The following ANGPT1 variants were observed in gnomAD, a reference collection of about 807,000 sequenced individuals.
The protein encoded by ANGPT1 is angiopoietin-1.
ANGPT1 carries 17 observed loss-of-function variants against 62.2 expected under a neutral mutation model. That is an observed-to-expected ratio of 0.27 (90% CI 0.19 to 0.41). The LOEUF is 0.41. Among genes scored for constraint, ANGPT1 ranks in the 10% least tolerant of loss-of-function variants. The pLI is 1.00. For synonymous variants in ANGPT1, 199 were observed against 198.9 expected, an observed-to-expected ratio of 1.00 and a Z score of 0.00; for missense variants, 478 against 594.9, an observed-to-expected ratio of 0.80 and a Z score of 2.04.
chr8:107,334,044 T>C (rs995140823), intron 3 of ANGPT1, among the ~76,000 whole-genome samples: 1 of 69,410 alleles, frequency 1.4e-5, no homozygotes, highest in Non-Finnish European at 3.1e-5. Flanking sequence ...GAAGGATGGA[T>C]AAATATGAGA....
chr8:107,495,050 A>T (rs1488813272), intron 1 of ANGPT1: 1 of 152,220 alleles, frequency 6.6e-6, no homozygotes, highest in Non-Finnish European at 1.5e-5. Flanking sequence ...TTCCATTTCA[A>T]TTATCAGAAT....
chr8:107,473,189 C>A (rs1812408462), intron 1 of ANGPT1, among the ~76,000 whole-genome samples: 1 of 152,018 alleles, frequency 6.6e-6, no homozygotes, highest in South Asian at 2.1e-4. Context: ...AACCATTATT[C>A]TTTCTCAGCA....
intron 1 of ANGPT1, among the ~76,000 whole-genome samples, chr8:107,449,400 G>GCACA (rs10537811): frequency 0.44 from 65,532 of 147,970 alleles, 14,842 homozygotes; most frequent in Non-Finnish European, 0.51. Flanking sequence ...ACACACACAT[G>GCACA]CACACACACA....
intron 1 of ANGPT1, among the ~76,000 whole-genome samples, chr8:107,349,040 C>A (rs962212013): frequency 1.3e-5 from 2 of 152,042 alleles, no homozygotes; most frequent in East Asian, 1.9e-4. Flanking sequence ...ATGCCCAATA[C>A]AGTTGATGCC....
chr8:107,303,156 A>T, intron 5 of ANGPT1, 84 bp downstream of exon 5: 1 of 1,493,030 alleles, frequency 6.7e-7, no homozygotes, highest in Non-Finnish European at 9.2e-7. Context: ...TTTCCAGTTT[A>T]ACAAGCTCAC....
chr8:107,423,921 A>C (rs570097775), intron 1 of ANGPT1, among the ~76,000 whole-genome samples: 2 of 128,972 alleles, frequency 1.6e-5, no homozygotes, highest in Non-Finnish European at 1.5e-5. Flanking sequence ...GCTCACTGAA[A>C]TCTTTGCCTC....
intron 1 of ANGPT1, among the ~76,000 whole-genome samples, chr8:107,468,381 T>C (rs1036223603): frequency 2.0e-5 from 3 of 152,096 alleles, no homozygotes; most frequent in African/African-American, 7.2e-5. Context: ...AATTAAAAAG[T>C]CAGATCAAAC....
At chr8:107,356,055 T>G (rs1167951068) in intron 1 of ANGPT1, among the ~76,000 whole-genome samples, 1 of 152,240 alleles carries the variant, frequency 6.6e-6, no homozygotes, top group African/African-American at 2.4e-5. Flanking sequence ...CTTAGCTTAG[T>G]TCCATTTGTT....
At chr8:107,489,396 A>T (rs1211604711) in intron 1 of ANGPT1, among the ~76,000 whole-genome samples, 1 of 152,228 alleles carries the variant, frequency 6.6e-6, no homozygotes, top group Non-Finnish European at 1.5e-5. Context: ...GTCATGTAGT[A>T]TAGTATAAAC....
intron 7 of ANGPT1, among the ~76,000 whole-genome samples, chr8:107,275,008 A>T (rs1462304985): frequency 6.6e-6 from 1 of 152,114 alleles, no homozygotes; most frequent in Non-Finnish European, 1.5e-5. Flanking sequence ...ATCAAGGACG[A>T]AGAGCTCTAT....
intron 1 of ANGPT1, among the ~76,000 whole-genome samples, chr8:107,403,017 T>G (rs1050731652): frequency 2.0e-5 from 3 of 152,172 alleles, no homozygotes; most frequent in Admixed American, 2.0e-4. Flanking sequence ...TGAGAATAAC[T>G]TGATTAAAGT....
At position 107,482,407 on chromosome 8, in the gene ANGPT1, G is replaced by C. The variant is rs548544290; in HGVS notation, c.297+14855C>G. Among the ~76,000 whole-genome samples, 9 of 152,298 alleles carry C rather than the reference G, an allele frequency of 5.9e-5. No individual in the cohort carries two copies. The South Asian group carries it at 1.5e-3, about 25-fold the overall frequency. On this transcript the variant is annotated intron_variant, in intron 1 of 8. Transcript: ENST00000517746. Reference sequence around the variant, plus strand: ...TCCCATGTCTAGAGCCTGAGTTGAGGTGACTCAAATATGGAGACTCACTAA... The same window carrying C: ...TCCCATGTCTAGAGCCTGAGTTGAGCTGACTCAAATATGGAGACTCACTAA...
intron 1 of ANGPT1, among the ~76,000 whole-genome samples, chr8:107,493,501 C>G (rs1020607982): frequency 2.7e-5 from 4 of 150,438 alleles, no homozygotes; most frequent in Admixed American, 1.3e-4. Context: ...ACCACCTACT[C>G]TGGACCCAAT....
At chr8:107,448,355 A>T (rs1811672587) in intron 1 of ANGPT1, among the ~76,000 whole-genome samples, 1 of 152,182 alleles carries the variant, frequency 6.6e-6, no homozygotes, top group African/African-American at 2.4e-5. Flanking sequence ...GGCTATATTG[A>T]CAGAACAAAT....
chr8:107,428,314 G>C (rs1811089016), intron 1 of ANGPT1, among the ~76,000 whole-genome samples: 1 of 152,076 alleles, frequency 6.6e-6, no homozygotes, highest in Non-Finnish European at 1.5e-5. Context: ...GCTCATGCTG[G>C]GCAACTTGAG....
intron 1 of ANGPT1, among the ~76,000 whole-genome samples, chr8:107,430,550 A>T (rs1811157742): frequency 1.3e-5 from 2 of 152,192 alleles, no homozygotes; most frequent in African/African-American, 4.8e-5. Flanking sequence ...GGAACTTGTG[A>T]CTATGTTACC....
chr8:107,475,916 A>G (rs551214111), intron 1 of ANGPT1, among the ~76,000 whole-genome samples: 1 of 152,262 alleles, frequency 6.6e-6, no homozygotes, highest in South Asian at 2.1e-4. Flanking sequence ...GAATTCGATC[A>G]TTAAAAAGTC....
intron 1 of ANGPT1, among the ~76,000 whole-genome samples, chr8:107,347,944 G>A (rs764777160): frequency 1.3e-5 from 2 of 152,094 alleles, no homozygotes; most frequent in Non-Finnish European, 2.9e-5. Context: ...GTCCTATTAG[G>A]TACCTGGGAA....
chr8:107,462,321 G>T (rs953218901), intron 1 of ANGPT1, among the ~76,000 whole-genome samples: 1 of 151,666 alleles, frequency 6.6e-6, no homozygotes, highest in African/African-American at 2.4e-5. Context: ...AGTACAGATT[G>T]TGTCTGGGTA....
Sources: allele counts gnomAD v4.1 joint callset (sites outside exome capture counted in the v4.1 genomes callset), GRCh38; gene constraint gnomAD v4.1.1; transcripts MANE v1.5; gene names NCBI Gene and HGNC (gene_info 2026-07-23, HGNC 2026-07-21).